The following ST6GALNAC3 variants were observed in gnomAD, a reference collection of about 807,000 sequenced individuals.
ST6GALNAC3 encodes alpha-N-acetylgalactosaminide alpha-2,6-sialyltransferase 3.
ST6GALNAC3 carries 25 observed loss-of-function variants against 32.7 expected under a neutral mutation model. The observed-to-expected ratio is 0.76, with a 90% CI of 0.56 to 1.07. The LOEUF is 1.07. ST6GALNAC3 is among the 50% of genes least tolerant of loss of function. The pLI, the probability that ST6GALNAC3 is intolerant of heterozygous loss-of-function variation, is 0.00. For missense variants in ST6GALNAC3, 355 were observed against 382.4 expected (o/e 0.93, Z 0.60); for synonymous variants, 129 against 133.1 (o/e 0.97, Z 0.21).
chr1:76,490,430 T>A (rs1660421949), intron 3 of ST6GALNAC3, among the ~76,000 whole-genome samples: 1 of 149,526 alleles, frequency 6.7e-6, no homozygotes, highest in African/African-American at 2.4e-5. Flanking sequence ...TTGTATATAG[T>A]ATATGATATA....
At chr1:76,171,415 A>T (rs1652487884) in intron 1 of ST6GALNAC3, among the ~76,000 whole-genome samples, 2 of 152,176 alleles carry the variant, frequency 1.3e-5, no homozygotes. Flanking sequence ...AAACTAAAAC[A>T]AGTAACTAAT....
rs550808112 is a variant in ST6GALNAC3 at position 76,569,050 on chromosome 1, G to T, written c.624-58402G>T. ...ACCTTAATGAGTACTGCTTGTCAAA[G>T]GATCTGATATGCATTTTGCAGAATA... On this transcript the variant is annotated intron_variant, in intron 3 of 4. Coordinates refer to ENST00000328299, the MANE Select transcript of ST6GALNAC3 (RefSeq NM_152996.4). 2.0e-5 allele frequency among the ~76,000 whole-genome samples: 3 copies of T among 152,178 alleles called. No individual in the cohort carries two copies. The East Asian group carries it at 5.8e-4, about 29-fold the overall frequency.
At chr1:76,490,892 C>T (rs1307063553) in intron 3 of ST6GALNAC3, among the ~76,000 whole-genome samples, 1 of 148,912 alleles carries the variant, frequency 6.7e-6, no homozygotes, top group Non-Finnish European at 1.5e-5. Flanking sequence ...GAGTTTGACT[C>T]TTGTTGCCCA....
intron 2 of ST6GALNAC3, among the ~76,000 whole-genome samples, chr1:76,360,074 CAA>C (rs1649805971): frequency 6.6e-6 from 1 of 151,450 alleles, no homozygotes; most frequent in African/African-American, 2.4e-5. Context: ...ATATAGATTA[CAA>C]AGGAGAATTA....
intron 1 of ST6GALNAC3, among the ~76,000 whole-genome samples, chr1:76,093,090 G>A (rs1647072091): frequency 6.6e-6 from 1 of 152,174 alleles, no homozygotes; most frequent in Non-Finnish European, 1.5e-5. Context: ...GAGTGCAGTA[G>A]TAAAGATTTG....
intron 1 of ST6GALNAC3, among the ~76,000 whole-genome samples, chr1:76,206,698 A>C (rs1654844508): frequency 6.6e-6 from 1 of 151,720 alleles, no homozygotes; most frequent in Non-Finnish European, 1.5e-5. Flanking sequence ...GCGCCACTGC[A>C]CTCCAGCCTG....
chr1:76,209,806 C>T (rs1655036595), intron 1 of ST6GALNAC3, among the ~76,000 whole-genome samples: 1 of 152,206 alleles, frequency 6.6e-6, no homozygotes. Context: ...TGATTTCAGC[C>T]TCTGTGCAGC....
intron 3 of ST6GALNAC3, among the ~76,000 whole-genome samples, chr1:76,559,558 G>C (rs180759579): frequency 3.3e-5 from 5 of 152,130 alleles, no homozygotes; most frequent in Non-Finnish European, 7.3e-5. Context: ...GTCCTTCAAA[G>C]GGTACCATCA....
intron 3 of ST6GALNAC3, among the ~76,000 whole-genome samples, chr1:76,494,424 CATGTGTATATATATATATATATATATAT>C (rs1231847603): frequency 2.8e-5 from 2 of 71,074 alleles, no homozygotes; most frequent in Non-Finnish European, 5.4e-5. Flanking sequence ...AGGATGTGTG[CATGTGTATATATATATATATATATATAT>C]ATATATATAT....
At chr1:76,495,804 T>A (rs1222054083) in intron 3 of ST6GALNAC3, among the ~76,000 whole-genome samples, 2 of 152,160 alleles carry the variant, frequency 1.3e-5, no homozygotes, top group Non-Finnish European at 2.9e-5. Flanking sequence ...TGGAACCCAG[T>A]GGGAAAGAAC....
intron 3 of ST6GALNAC3, among the ~76,000 whole-genome samples, chr1:76,413,268 A>G (rs1228342912): frequency 2.0e-5 from 3 of 152,124 alleles, no homozygotes; most frequent in Non-Finnish European, 4.4e-5. Context: ...AAATCAGACA[A>G]TCTTAGTTCT....
chr1:76,169,245 T>A (rs1652320453), intron 1 of ST6GALNAC3, among the ~76,000 whole-genome samples: 1 of 152,216 alleles, frequency 6.6e-6, no homozygotes, highest in Non-Finnish European at 1.5e-5. Flanking sequence ...GGGTTGGAAT[T>A]TCTTTTCTTT....
intron 1 of ST6GALNAC3, among the ~76,000 whole-genome samples, chr1:76,190,560 G>A (rs12095328): frequency 0.11 from 16,359 of 152,186 alleles, 1,026 homozygotes; most frequent in Non-Finnish European, 0.14. Flanking sequence ...TCCCACAATC[G>A]TACAGAAATG....
At chr1:76,530,121 G>T (rs1269486622) in intron 3 of ST6GALNAC3, among the ~76,000 whole-genome samples, 1 of 152,174 alleles carries the variant, frequency 6.6e-6, no homozygotes, top group African/African-American at 2.4e-5. Flanking sequence ...ACACTTGCTT[G>T]TGCCAGAATC....
At chr1:76,430,310 C>A (rs1455531593) in intron 3 of ST6GALNAC3, among the ~76,000 whole-genome samples, 1 of 152,146 alleles carries the variant, frequency 6.6e-6, no homozygotes, top group Non-Finnish European at 1.5e-5. Context: ...CACCTACCCA[C>A]AAAACTCTGA....
intron 1 of ST6GALNAC3, among the ~76,000 whole-genome samples, chr1:76,084,627 A>G (rs959605044): frequency 1.3e-5 from 2 of 152,112 alleles, no homozygotes; most frequent in Admixed American, 6.5e-5. Flanking sequence ...CGGTTTGCTT[A>G]TTTTTTACTG....
intron 2 of ST6GALNAC3, among the ~76,000 whole-genome samples, chr1:76,318,526 G>C (rs1646909951): frequency 6.6e-6 from 1 of 152,098 alleles, no homozygotes; most frequent in African/African-American, 2.4e-5. Context: ...TCAAACCAAA[G>C]CTTGGATCAG....
intron 2 of ST6GALNAC3, among the ~76,000 whole-genome samples, chr1:76,362,554 G>A (rs1314399444): frequency 6.6e-6 from 1 of 152,154 alleles, no homozygotes; most frequent in Non-Finnish European, 1.5e-5. Context: ...TTCTGCCTAT[G>A]AGCCTGTGAA....
chr1:76,394,241 AATGCTTCCTTTTATTCTAGC>A (rs1459707509), intron 2 of ST6GALNAC3, among the ~76,000 whole-genome samples: 1 of 152,230 alleles, frequency 6.6e-6, no homozygotes, highest in Non-Finnish European at 1.5e-5. Flanking sequence ...TGACAGAGCC[AATGCTTCCTTTTATTCTAGC>A]ATGCTGCTAG....
Sources: gnomAD v4.1 joint callset for allele counts (sites outside exome capture counted in the v4.1 genomes callset) on GRCh38, gnomAD v4.1.1 for gene constraint, MANE v1.5 for transcripts, NCBI Gene and HGNC (gene_info 2026-07-23, HGNC 2026-07-21) for gene names.